The following ROCK1 variants were observed in gnomAD, a reference collection of about 807,000 sequenced individuals.
The protein encoded by ROCK1 is Rho associated coiled-coil containing protein kinase 1, also known as rho-associated protein kinase 1.
A neutral mutation model predicts 196.8 loss-of-function variants in ROCK1; 36 were observed. The observed-to-expected ratio is 0.18, with a 90% CI of 0.14 to 0.24. ROCK1 has a LOEUF of 0.24. Among genes scored for constraint, ROCK1 ranks in the 10% least tolerant of loss-of-function variants. The pLI is 1.00. For missense variants in ROCK1, 920 were observed against 1,562.0 expected (o/e 0.59, Z 6.93); for synonymous variants, 443 against 515.9 (o/e 0.86, Z 1.91).
chr18:21,000,298 G>A (rs1318941184), intron 16 of ROCK1, among the ~76,000 whole-genome samples: 1 of 151,552 alleles, frequency 6.6e-6, no homozygotes, highest in African/African-American at 2.4e-5. Flanking sequence ...GTCTCACTGT[G>A]TTCGCCCATG....
chr18:21,042,327 G>T, intron 7 of ROCK1, 92 bp from the exon 8 acceptor site: 3 of 1,192,326 alleles, frequency 2.5e-6, no homozygotes, highest in Non-Finnish European at 3.5e-6. Flanking sequence ...CGTTTAAAAA[G>T]ATTATTAGGT....
At chr18:21,094,804 T>TG (rs2036599233) in intron 1 of ROCK1, among the ~76,000 whole-genome samples, 1 of 149,944 alleles carries the variant, frequency 6.7e-6, no homozygotes, top group Non-Finnish European at 1.5e-5. Flanking sequence ...CCCAGCACTT[T>TG]GGGAGGCCAA....
intron 16 of ROCK1, among the ~76,000 whole-genome samples, chr18:20,997,720 A>G (rs1438050571): frequency 2.6e-5 from 4 of 152,236 alleles, no homozygotes; most frequent in Non-Finnish European, 5.9e-5. Context: ...TCTCAAGGAC[A>G]GACCATATGT....
intron 1 of ROCK1, among the ~76,000 whole-genome samples, chr18:21,095,424 C>T (rs1330570644): frequency 6.6e-6 from 1 of 152,134 alleles, no homozygotes; most frequent in Non-Finnish European, 1.5e-5. Context: ...TATCATACCA[C>T]TATTCACAAC....
intron 22 of ROCK1, among the ~76,000 whole-genome samples, chr18:20,974,165 T>C (rs1234287708): frequency 2.6e-5 from 4 of 152,222 alleles, no homozygotes; most frequent in Admixed American, 1.3e-4. Context: ...TTAGTAGCTA[T>C]GGTGGTGAAA....
chr18:21,027,750 AT>A (rs751964514), intron 10 of ROCK1, among the ~76,000 whole-genome samples: 2,311 of 95,240 alleles, frequency 0.024, 12 homozygotes, highest in African/African-American at 0.092. Context: ...GAATCACTTA[AT>A]TTTTTTTTTT....
At position 21,098,958 on chromosome 18, in the gene ROCK1, C is replaced by G. The variant is rs573451072; in HGVS notation, c.93+11860G>C. Among the ~76,000 whole-genome samples, 45 of 152,262 alleles carry G rather than the reference C, an allele frequency of 3.0e-4. 1 individual carries two copies. The highest frequency in any genetic ancestry group is 6.8e-3 in the Middle Eastern group (2 of 294). On this transcript the variant is annotated intron_variant, in intron 1 of 32. Coordinates refer to ENST00000399799, the MANE Select transcript of ROCK1 (RefSeq NM_005406.3). The stretch of plus-strand genomic sequence containing the variant: ...TACAACATATTGTTGGTGAGGACAA[C>G]AGACAATCCCATATCATTACTAGTG...
chr18:21,109,099 T>A (rs2036727142), intron 1 of ROCK1, among the ~76,000 whole-genome samples: 1 of 152,252 alleles, frequency 6.6e-6, no homozygotes, highest in South Asian at 2.1e-4. Flanking sequence ...CACAGTGACT[T>A]CTTTCTCTCA....
intron 9 of ROCK1, among the ~76,000 whole-genome samples, chr18:21,029,754 T>C (rs2035990523): frequency 6.6e-6 from 1 of 152,068 alleles, no homozygotes; most frequent in Non-Finnish European, 1.5e-5. Flanking sequence ...ACTACTAACA[T>C]CTATTTTTGG....
At chr18:20,960,945 AAAC>A (rs1393337378) in intron 27 of ROCK1, among the ~76,000 whole-genome samples, 1 of 152,174 alleles carries the variant, frequency 6.6e-6, no homozygotes, top group African/African-American at 2.4e-5. Context: ...TCAACAGTAA[AAAC>A]AACACAGAAT....
At chr18:21,047,136 C>T (rs2036167449) in intron 4 of ROCK1, among the ~76,000 whole-genome samples, 1 of 152,068 alleles carries the variant, frequency 6.6e-6, no homozygotes, top group Non-Finnish European at 1.5e-5. Context: ...TATTTATAGA[C>T]AATATATCCA....
intron 1 of ROCK1, among the ~76,000 whole-genome samples, chr18:21,090,697 A>G (rs1309718885): frequency 3.3e-5 from 5 of 152,224 alleles, no homozygotes; most frequent in Admixed American, 6.5e-5. Flanking sequence ...TGTTACAGAA[A>G]CAAATAAGCA....
chr18:21,039,574 A>G lies in ROCK1; in HGVS notation c.960-11T>C. 6.4e-7 allele frequency: 1 copy of G among 1,574,232 alleles called. No homozygotes were observed. Among genetic ancestry groups the G allele is most frequent in the South Asian group, 1.1e-5 (1 of 90,236 alleles). On this transcript the variant is annotated splice_polypyrimidine_tract_variant and intron_variant, in intron 8 of 32. Coordinates refer to ENST00000399799, the MANE Select transcript of ROCK1 (RefSeq NM_005406.3). Reference sequence around the variant, plus strand: ...CCTAACCTCACTTCCCTGAATAATGACAGAAGGAGAAAAGTAATCAATCAT... The same window carrying G: ...CCTAACCTCACTTCCCTGAATAATGGCAGAAGGAGAAAAGTAATCAATCAT...
intron 22 of ROCK1, among the ~76,000 whole-genome samples, chr18:20,974,494 T>C (rs138465021): frequency 6.6e-6 from 1 of 152,288 alleles, no homozygotes; most frequent in East Asian, 1.9e-4. Flanking sequence ...CCAGAATATA[T>C]TTCTATCCCT....
intron 12 of ROCK1, among the ~76,000 whole-genome samples, chr18:21,016,432 A>C (rs1461785622): frequency 6.6e-6 from 1 of 152,230 alleles, no homozygotes; most frequent in Non-Finnish European, 1.5e-5. Context: ...ATACAGGATA[A>C]AGTAAACAAA....
At chr18:21,021,114 A>G (rs796622423) in intron 11 of ROCK1, among the ~76,000 whole-genome samples, 7 of 152,348 alleles carry the variant, frequency 4.6e-5, no homozygotes, top group East Asian at 3.9e-4. Context: ...AAAGGTATCA[A>G]TTGGAAAGCA....
chr18:20,966,489 T>C (rs570015895), intron 27 of ROCK1, among the ~76,000 whole-genome samples: 1 of 152,338 alleles, frequency 6.6e-6, no homozygotes, highest in Non-Finnish European at 1.5e-5. Flanking sequence ...GATAGGGTTC[T>C]ATATGTAGCT....
intron 1 of ROCK1, among the ~76,000 whole-genome samples, chr18:21,092,581 A>T (rs1246981775): frequency 5.7e-5 from 6 of 105,500 alleles, no homozygotes; most frequent in Admixed American, 2.7e-4. Flanking sequence ...CCTCATCTTT[A>T]AAAAAAAAAA....
chr18:21,110,990 T>G lies in ROCK1; in HGVS notation c.-80A>C. On this transcript the variant is annotated 5_prime_UTR_variant, in exon 1 of 33. Coordinates refer to ENST00000399799, the MANE Select transcript of ROCK1 (RefSeq NM_005406.3). ...TCAACCAACTTCCTCCGCGGTGGGT[T>G]CGCAGCCGCGGGGCGGAGGAGCCGG... 1.6e-6 allele frequency: 2 copies of G among 1,220,846 alleles called. No individual in the cohort carries two copies. The highest frequency in any genetic ancestry group is 2.5e-5 in the South Asian group (2 of 81,166). 75.6% of individuals were successfully genotyped at this position (1,220,846 alleles called of 1,614,324 possible).
Sources: allele counts gnomAD v4.1 joint callset (sites outside exome capture counted in the v4.1 genomes callset), GRCh38; gene constraint gnomAD v4.1.1; transcripts MANE v1.5; gene names NCBI Gene and HGNC (gene_info 2026-07-23, HGNC 2026-07-21).